Variants in IGSF21 observed in about 807,000 individuals in gnomAD.
IGSF21 encodes the protein immunoglobin superfamily member 21.
Under a neutral mutation model 46.8 loss-of-function variants are expected in IGSF21, and 28 were observed. That is an observed-to-expected ratio of 0.60 (90% CI 0.44 to 0.82). The LOEUF (loss-of-function observed/expected upper bound fraction) is 0.82. Ranked by LOEUF, IGSF21 falls within the 40% of genes least tolerant of loss-of-function variation. The pLI, the probability that IGSF21 is intolerant of heterozygous loss-of-function variation, is 0.00. For synonymous variants in IGSF21, 284 were observed against 273.6 expected (o/e 1.04, Z -0.38); for missense variants, 624 against 665.5 (o/e 0.94, Z 0.69).
At chr1:18,262,203 G>A (rs2084953064) in intron 2 of IGSF21, among the ~76,000 whole-genome samples, 1 of 152,178 alleles carries the variant, frequency 6.6e-6, no homozygotes, top group Non-Finnish European at 1.5e-5. Flanking sequence ...AGCCCACAAA[G>A]GGATGGGGAA....
At chr1:18,301,105 G>A (rs147166887) in intron 3 of IGSF21, among the ~76,000 whole-genome samples, 1 of 152,370 alleles carries the variant, frequency 6.6e-6, no homozygotes, top group East Asian at 1.9e-4. Context: ...AACCTGTGGA[G>A]CACAGATCTC....
intron 4 of IGSF21, among the ~76,000 whole-genome samples, chr1:18,343,650 C>T (rs538985341): frequency 6.6e-6 from 1 of 152,312 alleles, no homozygotes; most frequent in South Asian, 2.1e-4. Flanking sequence ...CCAACTTCAT[C>T]ATTTGCATGT....
rs2085786295 is a variant in IGSF21, at chr1:18,337,797, A to C, written c.424+2787A>C. 6.6e-6 allele frequency among the ~76,000 whole-genome samples: 1 copy of C among 152,202 alleles called. No homozygotes were observed. Among genetic ancestry groups the C allele is most frequent in the African/African-American group, 2.4e-5 (1 of 41,450 alleles). On this transcript the variant is annotated intron_variant, in intron 4 of 9. Transcript: ENST00000251296. The surrounding 1 kb of genome is among the most constrained non-coding windows in gnomAD (Gnocchi z 5.7). ...TCAGAGGGGCTTTCACATTGAGGAC[A>C]TCATCCAATCCTCACTGCAGATCGG...
intron 3 of IGSF21, among the ~76,000 whole-genome samples, chr1:18,320,712 C>A (rs913476944): frequency 2.0e-5 from 3 of 152,344 alleles, no homozygotes; most frequent in African/African-American, 2.4e-5. Flanking sequence ...AATATTTTAT[C>A]TTGTTGATGG....
chr1:18,336,456 C>G (rs2085767188), intron 4 of IGSF21, among the ~76,000 whole-genome samples: 1 of 152,180 alleles, frequency 6.6e-6, no homozygotes, highest in Non-Finnish European at 1.5e-5. Flanking sequence ...ACAGAGAAAG[C>G]AAGCAACTTG....
chr1:18,338,973 C>T (rs2085800748), intron 4 of IGSF21, among the ~76,000 whole-genome samples: 1 of 152,178 alleles, frequency 6.6e-6, no homozygotes, highest in South Asian at 2.1e-4. Context: ...CCACTCCCAT[C>T]CCCACCGAAG....
intron 3 of IGSF21, among the ~76,000 whole-genome samples, chr1:18,330,178 G>C (rs1236399313): frequency 6.6e-6 from 1 of 152,070 alleles, no homozygotes; most frequent in Non-Finnish European, 1.5e-5. Flanking sequence ...GGAGTCTCTG[G>C]GCCACTTAAT....
At chr1:18,280,872 A>C (rs961523294) in intron 2 of IGSF21, among the ~76,000 whole-genome samples, 4 of 151,916 alleles carry the variant, frequency 2.6e-5, no homozygotes, top group Admixed American at 6.6e-5. Context: ...CTCTGCTTCA[A>C]CCTCCAAAGC....
At chr1:18,175,628 C>T (rs893722502) in intron 1 of IGSF21, among the ~76,000 whole-genome samples, 1 of 152,136 alleles carries the variant, frequency 6.6e-6, no homozygotes, top group Non-Finnish European at 1.5e-5. Flanking sequence ...CTCCCTTCCT[C>T]TGTCCAGTCC....
intron 1 of IGSF21, among the ~76,000 whole-genome samples, chr1:18,223,954 A>C (rs867711918): frequency 6.6e-6 from 1 of 152,166 alleles, no homozygotes; most frequent in African/African-American, 2.4e-5. Context: ...GACTCCAAGT[A>C]GGGCCATCCC....
At chr1:18,373,840 C>T (rs1476786784) in intron 6 of IGSF21, among the ~76,000 whole-genome samples, 5 of 152,184 alleles carry the variant, frequency 3.3e-5, no homozygotes, top group Non-Finnish European at 7.3e-5. Context: ...TAACCTGCCT[C>T]GTAAGTACCA....
chr1:18,157,299 T>C (rs2086577440), intron 1 of IGSF21, among the ~76,000 whole-genome samples: 1 of 152,202 alleles, frequency 6.6e-6, no homozygotes, highest in Non-Finnish European at 1.5e-5. Context: ...TGCCTCGCTG[T>C]CTGTCCCCTG....
chr1:18,180,467 T>C (rs1208942910), intron 1 of IGSF21, among the ~76,000 whole-genome samples: 1 of 152,214 alleles, frequency 6.6e-6, no homozygotes, highest in Non-Finnish European at 1.5e-5. Flanking sequence ...CAAACAAGCA[T>C]GCCCCACAGT....
chr1:18,323,722 A>G (rs1315151020), intron 3 of IGSF21, among the ~76,000 whole-genome samples: 5 of 152,010 alleles, frequency 3.3e-5, no homozygotes, highest in African/African-American at 1.2e-4. Context: ...CTCTGTGCCT[A>G]CTTTCTTTGG....
chr1:18,150,683 C>T (rs2086514478), intron 1 of IGSF21, among the ~76,000 whole-genome samples: 1 of 152,194 alleles, frequency 6.6e-6, no homozygotes, highest in Admixed American at 6.5e-5. Context: ...GGACTCAATC[C>T]ATCTCAGCAC....
chr1:18,297,963 G>A (rs543489636), intron 3 of IGSF21, among the ~76,000 whole-genome samples: 1 of 152,258 alleles, frequency 6.6e-6, no homozygotes, highest in Admixed American at 6.5e-5. Flanking sequence ...GGAGATACCT[G>A]GAATGTATCT....
At chr1:18,304,862 A>C (rs1300031186) in intron 3 of IGSF21, among the ~76,000 whole-genome samples, 1 of 152,276 alleles carries the variant, frequency 6.6e-6, no homozygotes, top group Non-Finnish European at 1.5e-5. Flanking sequence ...AAAAATGTCC[A>C]GGAAAGACCC....
At chr1:18,312,250 G>T (rs772462014) in intron 3 of IGSF21, among the ~76,000 whole-genome samples, 1 of 152,162 alleles carries the variant, frequency 6.6e-6, no homozygotes, top group Admixed American at 6.5e-5. Flanking sequence ...AAATGAATCC[G>T]CAAAATGAAA....
intron 2 of IGSF21, among the ~76,000 whole-genome samples, chr1:18,281,331 G>A (rs2124555868): frequency 6.6e-6 from 1 of 152,110 alleles, no homozygotes; most frequent in South Asian, 2.1e-4. Flanking sequence ...AGGCGAGGTG[G>A]GTGCATCACC....
Sources: gnomAD v4.1 joint callset for allele counts (sites outside exome capture counted in the v4.1 genomes callset) on GRCh38, gnomAD v4.1.1 for gene constraint, Gnocchi (gnomAD v3.1) non-coding constraint, MANE v1.5 for transcripts, NCBI Gene and HGNC (gene_info 2026-07-23, HGNC 2026-07-21) for gene names.